CYFIP2: variants seen among roughly 807,000 people sequenced by gnomAD.
CYFIP2 encodes the protein cytoplasmic FMR1 interacting protein 2, also known as cytoplasmic FMR1-interacting protein 2.
CYFIP2 carries 29 observed loss-of-function variants against 158.7 expected under a neutral mutation model. The ratio of observed to expected loss-of-function variants is 0.18; its 90% CI spans 0.14 to 0.25. CYFIP2 has a LOEUF of 0.25. Ranked by LOEUF, CYFIP2 falls within the 10% of genes least tolerant of loss-of-function variation. The pLI is 1.00. For missense variants in CYFIP2, 852 were observed against 1,639.5 expected (o/e 0.52, Z 8.29); for synonymous variants, 585 against 617.6 (o/e 0.95, Z 0.78).
Position 157,393,088 on chromosome 5 carries a change from A to G in CYFIP2, c.*88A>G. ...CCAGCCTGCCATAGGATCCAACTGG[A>G]CAACGTGTGGGATGGACCTGGAAAC... On this transcript the variant is annotated 3_prime_UTR_variant, in exon 31 of 31. Transcript: ENST00000620254. 1 of 1,502,350 alleles carries G rather than the reference A, an allele frequency of 6.7e-7. No homozygotes were observed. Among genetic ancestry groups the G allele is most frequent in the Non-Finnish European group, 9.0e-7 (1 of 1,110,678 alleles). 93.1% of individuals were successfully genotyped at this position (1,502,350 alleles called of 1,614,324 possible).
chr5:157,351,509 TCTCGTTTTA>T (rs1299688644), intron 23 of CYFIP2, among the ~76,000 whole-genome samples: 1 of 152,258 alleles, frequency 6.6e-6, no homozygotes, highest in Non-Finnish European at 1.5e-5. Context: ...ACATGTGTGT[TCTCGTTTTA>T]CAAACCACAT....
At position 157,390,227 on chromosome 5, in the gene CYFIP2, C is replaced by T. The variant is rs1291538185; in HGVS notation, c.3447-294C>T. The stretch of plus-strand genomic sequence containing the variant: ...TAATCAGCCACATACATCTCAACAG[C>T]TGGGTGGGTTTTTCCTTGCAAATTC... On this transcript the variant is annotated intron_variant, in intron 29 of 30. Transcript: ENST00000620254. 7.2e-5 allele frequency among the ~76,000 whole-genome samples: 11 copies of T among 152,106 alleles called. 1 individual carries two copies. The highest frequency in any genetic ancestry group is 6.5e-4 in the Admixed American group (10 of 15,286).
intron 3 of CYFIP2, among the ~76,000 whole-genome samples, chr5:157,290,646 G>C (rs2113858011): frequency 6.6e-6 from 1 of 152,348 alleles, no homozygotes; most frequent in Admixed American, 6.5e-5. Context: ...TGCCTACACA[G>C]GGAGAGTGTT....
intron 23 of CYFIP2, chr5:157,343,088 C>T (rs1181886996): frequency 1.2e-6 from 2 of 1,614,068 alleles, no homozygotes; most frequent in East Asian, 2.2e-5. Flanking sequence ...CTCCATGTGG[C>T]CAGCCCTGTA....
chr5:157,321,657 T>C (rs546820593), intron 15 of CYFIP2, among the ~76,000 whole-genome samples: 22 of 152,308 alleles, frequency 1.4e-4, no homozygotes, highest in African/African-American at 5.1e-4. Context: ...TTTAAGCCTC[T>C]CTCTGTTCTC....
chr5:157,306,732 A>C (rs974188849), intron 8 of CYFIP2, among the ~76,000 whole-genome samples: 1 of 152,040 alleles, frequency 6.6e-6, no homozygotes, highest in East Asian at 1.9e-4. Flanking sequence ...AAATACAAAA[A>C]TTAGCCGGGG....
At chr5:157,389,623 G>C (rs904575945) in intron 29 of CYFIP2, 196 bp downstream of exon 29, 5 of 568,294 alleles carry the variant, frequency 8.8e-6, no homozygotes, top group African/African-American at 7.5e-5. Flanking sequence ...GACCCTCACT[G>C]CCTGCCTCAC....
In CYFIP2 at chr5:157,325,617, C is replaced by T. The variant is rs1760959611; in HGVS notation, c.1961C>T (p.Thr654Ile). The part of the protein sequence containing the change: ...PWILTDHILE[T>I]KEPSMMEYVL... ...ATTCTAACGGACCATATCCTGGAAACCAAAGAACCTTCCATGATGGAGTAA... is the reference window on the plus strand; with the variant it reads ...ATTCTAACGGACCATATCCTGGAAATCAAAGAACCTTCCATGATGGAGTAA... Residue 654 changes from threonine (T) to isoleucine (I), a missense_variant, in exon 17 of 31, where the codon ACC becomes ATC. This residue lies in a region of CYFIP2 where 167 missense variants were observed against 343.3 expected (regional missense o/e 0.49). Coordinates refer to ENST00000620254, the MANE Select transcript of CYFIP2 (RefSeq NM_001037333.3). 1.2e-6 allele frequency: 2 copies of T among 1,610,280 alleles called. No homozygotes were observed. The highest frequency in any genetic ancestry group is 1.7e-6 in the Non-Finnish European group (2 of 1,178,008).
At chr5:157,286,365 CAT>C (rs550556220) in intron 2 of CYFIP2, among the ~76,000 whole-genome samples, 1 of 148,976 alleles carries the variant, frequency 6.7e-6, no homozygotes, top group Non-Finnish European at 1.5e-5. Flanking sequence ...TATATATATG[CAT>C]ATATATATAC....
chr5:157,350,825 C>T (rs111965703), intron 23 of CYFIP2, among the ~76,000 whole-genome samples: 2,089 of 152,278 alleles, frequency 0.014, 24 homozygotes, highest in Non-Finnish European at 0.021. Context: ...TTGTAGTTTT[C>T]CTTGTAGAGG....
At chr5:157,377,004 G>C (rs750038608) in intron 26 of CYFIP2, 19 of 400,628 alleles carry the variant, frequency 4.7e-5, no homozygotes, top group Non-Finnish European at 8.2e-5. Context: ...AGGTGCCCTG[G>C]GCAGGGGTCC....
In CYFIP2 at chr5:157,294,640, T is replaced by G. The variant is rs57128614; in HGVS notation, c.208-143T>G. Reference sequence around the variant, plus strand: ...CATAGGCCCAGGGAGGGACCTGAGATTCTCCATTTCCAGTAAGGTCCCCAA... The same window carrying G: ...CATAGGCCCAGGGAGGGACCTGAGAGTCTCCATTTCCAGTAAGGTCCCCAA... On this transcript the variant is annotated intron_variant, in intron 3 of 30. Transcript: ENST00000620254. The G allele has an allele frequency of 4.4e-3, 2,464 of 556,782 alleles. 52 individuals carry two copies. Among genetic ancestry groups the G allele is most frequent in the African/African-American group, 0.04 (2,148 of 53,698 alleles). 34.5% of individuals were successfully genotyped at this position (556,782 alleles called of 1,614,324 possible).
At position 157,339,130 on chromosome 5, in the gene CYFIP2, T is replaced by C; in HGVS notation, c.2459T>C (p.Phe820Ser). 6.2e-7 allele frequency: 1 copy of C among 1,614,024 alleles called. No individual in the cohort carries two copies. Among genetic ancestry groups the C allele is most frequent in the Non-Finnish European group, 8.5e-7 (1 of 1,179,880 alleles). The change falls in exon 22 of 31, where the codon TTC becomes TCC. Residue 820 changes from phenylalanine (F) to serine (S), a missense_variant. By Grantham distance (155) the Phe-to-Ser change is radical (BLOSUM62 -2). Coordinates refer to ENST00000620254, the MANE Select transcript of CYFIP2 (RefSeq NM_001037333.3). ...LLCKHMTLDSFDAMFREANHN... is the reference protein window; with the variant it reads ...LLCKHMTLDSSDAMFREANHN... Reference sequence around the variant, plus strand: ...TGTAAGCATATGACGCTGGACAGCTTCGATGCCATGTTCCGAGAGGCCAAT... The same window carrying C: ...TGTAAGCATATGACGCTGGACAGCTCCGATGCCATGTTCCGAGAGGCCAAT...
intron 3 of CYFIP2, chr5:157,288,691 T>A: frequency 2.2e-6 from 1 of 447,010 alleles, no homozygotes; most frequent in South Asian, 1.6e-5. Context: ...ATTTTGCCGA[T>A]GGGGAAAACT....
chr5:157,291,827 G>C (rs1757841878), intron 3 of CYFIP2, among the ~76,000 whole-genome samples: 1 of 151,996 alleles, frequency 6.6e-6, no homozygotes, highest in Non-Finnish European at 1.5e-5. Context: ...GGTGGTATGT[G>C]GATTTAAAAA....
intron 23 of CYFIP2, chr5:157,343,186 C>G: frequency 6.2e-7 from 1 of 1,614,214 alleles, no homozygotes; most frequent in South Asian, 1.1e-5. Flanking sequence ...GCAGAATGGC[C>G]ATCAGCACCC....
intron 1 of CYFIP2, among the ~76,000 whole-genome samples, chr5:157,271,730 T>TG (rs1465835840): frequency 6.6e-6 from 1 of 152,174 alleles, no homozygotes; most frequent in Non-Finnish European, 1.5e-5. Context: ...AAATGTGATT[T>TG]GGGGGCCTTT....
chr5:157,388,914 G>A (rs1766974437), intron 28 of CYFIP2, among the ~76,000 whole-genome samples: 1 of 152,162 alleles, frequency 6.6e-6, no homozygotes, highest in Non-Finnish European at 1.5e-5. Flanking sequence ...CTTTTCAATG[G>A]CTATCCAGAA....
chr5:157,306,845 G>A (rs1269024758), intron 8 of CYFIP2, among the ~76,000 whole-genome samples: 1 of 150,980 alleles, frequency 6.6e-6, no homozygotes, highest in African/African-American at 2.4e-5. Context: ...TCATACCACT[G>A]CACTCCAGCC....
Sources: gnomAD v4.1 joint callset for allele counts (sites outside exome capture counted in the v4.1 genomes callset) on GRCh38, gnomAD v4.1.1 for gene constraint, gnomAD v4.1.1 regional missense constraint, MANE v1.5 for transcripts, NCBI Gene and HGNC (gene_info 2026-07-23, HGNC 2026-07-21) for gene names.